Variants in SKIC2 observed in about 807,000 individuals in gnomAD.
SKIC2 encodes the protein superkiller complex protein 2.
the SKIC2 span, chr6:31,967,173 G>C: frequency 6.2e-7 from 1 of 1,607,208 alleles, no homozygotes; most frequent in Non-Finnish European, 8.5e-7. This position sits in a 1 kb window ranked among gnomAD's most constrained non-coding sequence, Gnocchi z 4.9. Flanking sequence ...GGAGGTGATA[G>C]GAGAAGGGAA....
At chr6:31,967,937 T>C in the SKIC2 span, 184 of 1,612,974 alleles carry the variant, frequency 1.1e-4, no homozygotes, top group Non-Finnish European at 1.5e-4. This position sits in a 1 kb window ranked among gnomAD's most constrained non-coding sequence, Gnocchi z 4.9. Flanking sequence ...ATGTCTGCCC[T>C]GCTCTCCCCT....
chr6:31,963,595 G>A, the SKIC2 span: 4 of 1,533,644 alleles, frequency 2.6e-6, no homozygotes, highest in South Asian at 5.1e-5. The surrounding 1 kb of genome is among the most constrained non-coding windows in gnomAD (Gnocchi z 5.3). Flanking sequence ...TTAGGGCTGG[G>A]CCCCCAGCTG....
the SKIC2 span, chr6:31,968,007 T>C: frequency 6.2e-7 from 1 of 1,612,992 alleles, no homozygotes; most frequent in Non-Finnish European, 8.5e-7. This position sits in a 1 kb window ranked among gnomAD's most constrained non-coding sequence, Gnocchi z 6.1. Flanking sequence ...ATGGCTGCCA[T>C]CACCACCAAG....
the SKIC2 span, chr6:31,959,854 G>T: frequency 1.6e-6 from 1 of 620,746 alleles, no homozygotes; most frequent in Non-Finnish European, 2.9e-6. Context: ...TCTGCCCCAG[G>T]TAATTCAGTA....
chr6:31,969,035 G>A, the SKIC2 span: 1 of 1,612,484 alleles, frequency 6.2e-7, no homozygotes, highest in South Asian at 1.1e-5. The surrounding 1 kb of genome is among the most constrained non-coding windows in gnomAD (Gnocchi z 6.1). Flanking sequence ...TCTCTGGCCT[G>A]GTCTGCCAGA....
the SKIC2 span, chr6:31,961,040 G>A: frequency 6.2e-7 from 1 of 1,609,702 alleles, no homozygotes; most frequent in Non-Finnish European, 8.5e-7. Flanking sequence ...CTATCCTACA[G>A]ATCTTCTTAC....
chr6:31,960,133 AG>A, the SKIC2 span: 1 of 1,609,532 alleles, frequency 6.2e-7, no homozygotes, highest in South Asian at 1.1e-5. Context: ...AGGAGTCTGG[AG>A]GGGCTTAGAC....
the SKIC2 span, chr6:31,962,354 T>G: frequency 6.9e-7 from 1 of 1,441,982 alleles, no homozygotes; most frequent in South Asian, 1.1e-5. The surrounding 1 kb of genome is among the most constrained non-coding windows in gnomAD (Gnocchi z 5.0). Context: ...TTCTGGGGCA[T>G]GCTTCCACGA....
At chr6:31,967,817 C>T in the SKIC2 span, 1 of 1,612,956 alleles carries the variant, frequency 6.2e-7, no homozygotes, top group South Asian at 1.1e-5. This position sits in a 1 kb window ranked among gnomAD's most constrained non-coding sequence, Gnocchi z 4.9. Flanking sequence ...TGCAGAGGTG[C>T]CCTATCCAGA....
At chr6:31,967,758 T>G in the SKIC2 span, 1 of 1,613,026 alleles carries the variant, frequency 6.2e-7, no homozygotes, top group South Asian at 1.1e-5. This position sits in a 1 kb window ranked among gnomAD's most constrained non-coding sequence, Gnocchi z 4.9. Flanking sequence ...ACCCTGGTCT[T>G]GTGTGATAAG....
chr6:31,959,266 T>C, the SKIC2 span: 1 of 1,608,116 alleles, frequency 6.2e-7, no homozygotes, highest in East Asian at 2.2e-5. Context: ...GGAATGAACT[T>C]TGACCCCTGA....
At chr6:31,966,047 C>A in the SKIC2 span, 1 of 1,349,716 alleles carries the variant, frequency 7.4e-7, no homozygotes, top group Non-Finnish European at 1.0e-6. This position sits in a 1 kb window ranked among gnomAD's most constrained non-coding sequence, Gnocchi z 5.9. Context: ...AGGGCCCCAG[C>A]TCCAGGACCT....
At chr6:31,962,980 C>T in the SKIC2 span, 6 of 1,605,500 alleles carry the variant, frequency 3.7e-6, no homozygotes, top group East Asian at 1.1e-4. This position sits in a 1 kb window ranked among gnomAD's most constrained non-coding sequence, Gnocchi z 5.0. Context: ...CCTCTCTGTG[C>T]CCAGCGTGGG....
the SKIC2 span, chr6:31,963,810 G>T: frequency 1.3e-6 from 2 of 1,500,136 alleles, no homozygotes; most frequent in Non-Finnish European, 1.8e-6. This position sits in a 1 kb window ranked among gnomAD's most constrained non-coding sequence, Gnocchi z 5.3. Flanking sequence ...TCCCCCAGGG[G>T]TTTTGACTTG....
At chr6:31,966,055 C>G in the SKIC2 span, 6,290 of 1,277,864 alleles carry the variant, frequency 4.9e-3, 211 homozygotes, top group South Asian at 0.061. This position sits in a 1 kb window ranked among gnomAD's most constrained non-coding sequence, Gnocchi z 5.9. Context: ...AGCTCCAGGA[C>G]CTTGCTGGAT....
At chr6:31,962,062 T>A in the SKIC2 span, 1 of 1,611,738 alleles carries the variant, frequency 6.2e-7, no homozygotes, top group Admixed American at 1.7e-5. The surrounding 1 kb of genome is among the most constrained non-coding windows in gnomAD (Gnocchi z 5.0). Flanking sequence ...ACGGTATGAG[T>A]TCCTTTGCCA....
At chr6:31,960,503 C>T in the SKIC2 span, 1 of 1,614,090 alleles carries the variant, frequency 6.2e-7, no homozygotes, top group Non-Finnish European at 8.5e-7. Context: ...GGCCAGCCTC[C>T]CAGTCCTTAT....
At chr6:31,961,204 A>T in the SKIC2 span, 1 of 1,613,958 alleles carries the variant, frequency 6.2e-7, no homozygotes, top group East Asian at 2.2e-5. Context: ...AGATTGTCCA[A>T]CTCCAGCTCC....
At chr6:31,962,877 C>A in the SKIC2 span, 1 of 1,325,120 alleles carries the variant, frequency 7.5e-7, no homozygotes, top group Non-Finnish European at 1.1e-6. This position sits in a 1 kb window ranked among gnomAD's most constrained non-coding sequence, Gnocchi z 5.0. Context: ...TCCACACACT[C>A]AGGGCCCCTT....
Sources: gnomAD v4.1 joint callset for allele counts on GRCh38, gnomAD v4.1.1 for gene constraint, Gnocchi (gnomAD v3.1) non-coding constraint, MANE v1.5 for transcripts, NCBI Gene and HGNC (gene_info 2026-07-23, HGNC 2026-07-21) for gene names.